The following EPS8 variants were observed in gnomAD, a reference collection of about 807,000 sequenced individuals.
The protein encoded by EPS8 is EGFR pathway substrate 8, signaling adaptor.
EPS8 carries 42 observed loss-of-function variants against 103.8 expected under a neutral mutation model. The ratio of observed to expected loss-of-function variants is 0.40; its 90% CI spans 0.32 to 0.52. The LOEUF (loss-of-function observed/expected upper bound fraction) is 0.52, where lower values mean the gene tolerates loss of function less well. EPS8 is among the 20% of genes least tolerant of loss of function. The pLI is 0.40. For synonymous variants in EPS8, 344 were observed against 344.6 expected, an observed-to-expected ratio of 1.00 and a Z score of 0.02; for missense variants, 969 against 1,005.1, an observed-to-expected ratio of 0.96 and a Z score of 0.49.
intron 1 of EPS8, among the ~76,000 whole-genome samples, chr12:15,705,031 A>G (rs1946366082): frequency 6.6e-6 from 1 of 152,244 alleles, no homozygotes; most frequent in South Asian, 2.1e-4. Context: ...CTACTTTAAT[A>G]AAGATCAAGA....
chr12:15,666,998 G>C (rs966321141), intron 6 of EPS8, among the ~76,000 whole-genome samples: 2 of 152,088 alleles, frequency 1.3e-5, no homozygotes, highest in Admixed American at 1.3e-4. Flanking sequence ...TTACCCCTTT[G>C]GGTAACCACT....
rs1000489661 is a variant in EPS8 at position 15,784,398 on chromosome 12, A to G, written c.-22+4763T>C. On this transcript the variant is annotated intron_variant, in intron 1 of 20. Transcript: ENST00000281172. This position sits in a 1 kb window ranked among gnomAD's most constrained non-coding sequence, Gnocchi z 4.0. Reference sequence around the variant, plus strand: ...GGGTATGTGAAAAGATGTTAACATCATATGTCATTAGGAAATAGTAAATTA... The same window carrying G: ...GGGTATGTGAAAAGATGTTAACATCGTATGTCATTAGGAAATAGTAAATTA... Among the ~76,000 whole-genome samples the G allele has an allele frequency of 1.3e-5, 2 of 152,202 alleles. No individual in the cohort carries two copies. Among genetic ancestry groups the G allele is most frequent in the Admixed American group, 6.5e-5 (1 of 15,282 alleles).
Position 15,631,478 on chromosome 12 carries a change from G to T in EPS8, c.2008C>A (p.Arg670=). The T allele has an allele frequency of 1.9e-6, 3 of 1,614,002 alleles. No individual in the cohort carries two copies. Among genetic ancestry groups the T allele is most frequent in the Non-Finnish European group, 1.7e-6 (2 of 1,179,954 alleles). Residue 670 remains arginine (R), a synonymous_variant, in exon 18 of 21, where the codon CGA becomes AGA. Transcript: ENST00000281172. The part of the protein sequence containing the change: ...SSSDSGGSIV[R]DSQRHKQLPV... ...AGTTGTTTGTGTCTCTGGCTGTCTC[G>T]CACGATACTGCCACCACTGTCACTG... is the stretch of plus-strand genomic sequence containing the variant.
chr12:15,726,797 T>C (rs1946658527), intron 1 of EPS8, among the ~76,000 whole-genome samples: 1 of 152,262 alleles, frequency 6.6e-6, no homozygotes, highest in African/African-American at 2.4e-5. Flanking sequence ...GCCTACTATG[T>C]AGTGTGTACT....
chr12:15,624,859 G>A (rs962304840), intron 18 of EPS8, among the ~76,000 whole-genome samples: 4 of 152,122 alleles, frequency 2.6e-5, no homozygotes, highest in Admixed American at 2.6e-4. Context: ...GACACTTTTG[G>A]TCGTCACAAT....
intron 1 of EPS8, among the ~76,000 whole-genome samples, chr12:15,765,512 A>C (rs1462728910): frequency 6.6e-6 from 1 of 152,174 alleles, no homozygotes; most frequent in Non-Finnish European, 1.5e-5. Flanking sequence ...GAAAGAGAGA[A>C]GAAAGGATCA....
At chr12:15,732,475 T>C (rs1434430892) in intron 1 of EPS8, among the ~76,000 whole-genome samples, 1 of 152,158 alleles carries the variant, frequency 6.6e-6, no homozygotes, top group African/African-American at 2.4e-5. Flanking sequence ...ATCCCAACAC[T>C]ACACCCCTTT....
At chr12:15,678,914 CAAAAAAAAAAAA>C (rs34794895) in intron 3 of EPS8, among the ~76,000 whole-genome samples, 1 of 54,738 alleles carries the variant, frequency 1.8e-5, no homozygotes, top group African/African-American at 6.2e-5. Flanking sequence ...ACTCTGTCTC[CAAAAAAAAAAAA>C]AAAAAAAAAA....
At chr12:15,663,285 A>C (rs1023154148) in intron 8 of EPS8, among the ~76,000 whole-genome samples, 47 of 152,250 alleles carry the variant, frequency 3.1e-4, no homozygotes, top group African/African-American at 1.1e-3. Context: ...CAGGTCTGAA[A>C]CACGACTAGG....
In EPS8 at chr12:15,764,427, C is replaced by A. The variant is rs549423931; in HGVS notation, c.-22+24734G>T. Among the ~76,000 whole-genome samples the A allele has an allele frequency of 2.0e-4, 31 of 152,226 alleles. No individual in the cohort carries two copies. Among genetic ancestry groups the A allele is most frequent in the African/African-American group, 7.5e-4 (31 of 41,532 alleles). On this transcript the variant is annotated intron_variant, in intron 1 of 20. Transcript: ENST00000281172. The surrounding 1 kb of genome is among the most constrained non-coding windows in gnomAD (Gnocchi z 4.1). The stretch of plus-strand genomic sequence containing the variant: ...CTGTTCAAGTCCACAAGGTTCCAGG[C>A]AAATTAAGAAATATTCCAGGATCAG...
intron 15 of EPS8, among the ~76,000 whole-genome samples, chr12:15,646,030 A>C (rs1591816295): frequency 6.6e-6 from 1 of 152,342 alleles, no homozygotes; most frequent in Non-Finnish European, 1.5e-5. Context: ...TACTTAGTTA[A>C]GGATTTCAAT....
intron 1 of EPS8, among the ~76,000 whole-genome samples, chr12:15,775,189 A>G (rs1316388753): frequency 6.6e-5 from 10 of 152,176 alleles, no homozygotes; most frequent in African/African-American, 2.4e-4. Flanking sequence ...CCCACATTCA[A>G]AATTCAAGAC....
chr12:15,661,632 C>T (rs770151102), intron 9 of EPS8, among the ~76,000 whole-genome samples: 2 of 152,104 alleles, frequency 1.3e-5, no homozygotes, highest in Non-Finnish European at 2.9e-5. Flanking sequence ...TGCCACTTAA[C>T]TTTTATCTCT....
Position 15,784,401 on chromosome 12 carries a change from T to C in EPS8, c.-22+4760A>G, listed in dbSNP as rs939846963. ...TATGTGAAAAGATGTTAACATCATATGTCATTAGGAAATAGTAAATTAAAG... is the reference window on the plus strand; with the variant it reads ...TATGTGAAAAGATGTTAACATCATACGTCATTAGGAAATAGTAAATTAAAG... On this transcript the variant is annotated intron_variant, in intron 1 of 20. Transcript: ENST00000281172. The surrounding 1 kb of genome is among the most constrained non-coding windows in gnomAD (Gnocchi z 4.0). 2.6e-5 allele frequency among the ~76,000 whole-genome samples: 4 copies of C among 152,172 alleles called. No homozygotes were observed. The highest frequency in any genetic ancestry group is 9.7e-5 in the African/African-American group (4 of 41,440).
intron 1 of EPS8, among the ~76,000 whole-genome samples, chr12:15,691,435 A>G (rs1044333934): frequency 6.6e-6 from 1 of 152,138 alleles, no homozygotes; most frequent in Non-Finnish European, 1.5e-5. Flanking sequence ...ATATAGTATA[A>G]TGGGGCAGAG....
At chr12:15,625,320 T>G (rs990206628) in intron 18 of EPS8, among the ~76,000 whole-genome samples, 3 of 152,198 alleles carry the variant, frequency 2.0e-5, no homozygotes, top group Non-Finnish European at 4.4e-5. Context: ...CCCTTATTTA[T>G]CCTGTTATTA....
At chr12:15,694,308 G>A (rs182260021) in intron 1 of EPS8, among the ~76,000 whole-genome samples, 2 of 152,236 alleles carry the variant, frequency 1.3e-5, no homozygotes, top group Admixed American at 6.5e-5. Flanking sequence ...ATTTACATTT[G>A]ATAAAGTCAG....
intron 18 of EPS8, among the ~76,000 whole-genome samples, chr12:15,629,880 G>A (rs1019812612): frequency 3.9e-5 from 6 of 152,014 alleles, no homozygotes; most frequent in East Asian, 3.8e-4. Context: ...ACTTACTGAC[G>A]TGAGAAAAAC....
rs2135989143 is a variant in EPS8 at position 15,728,659 on chromosome 12, T to C, written c.-21-45687A>G. 6.6e-6 allele frequency among the ~76,000 whole-genome samples: 1 copy of C among 152,328 alleles called. No homozygotes were observed. Among genetic ancestry groups the C allele is most frequent in the Admixed American group, 6.5e-5 (1 of 15,300 alleles). Reference sequence around the variant, plus strand: ...ACAGATTTTACTATTTACATTTCAGTGAAATATTTATGCTTTGTGACTTAC... The same window carrying C: ...ACAGATTTTACTATTTACATTTCAGCGAAATATTTATGCTTTGTGACTTAC... On this transcript the variant is annotated intron_variant, in intron 1 of 20. Transcript: ENST00000281172. This position sits in a 1 kb window ranked among gnomAD's most constrained non-coding sequence, Gnocchi z 4.5.
Sources: allele counts gnomAD v4.1 joint callset (sites outside exome capture counted in the v4.1 genomes callset), GRCh38; gene constraint gnomAD v4.1.1; non-coding constraint Gnocchi (gnomAD v3.1); transcripts MANE v1.5; gene names NCBI Gene and HGNC (gene_info 2026-07-23, HGNC 2026-07-21).